Variants in CLEC7A observed in about 807,000 individuals in gnomAD.
The protein encoded by CLEC7A is C-type lectin domain containing 7A, also known as C-type lectin domain family 7 member A.
A neutral mutation model predicts 26.9 loss-of-function variants in CLEC7A; 25 were observed. That is an observed-to-expected ratio of 0.93 (90% confidence interval 0.68 to 1.30). The LOEUF (loss-of-function observed/expected upper bound fraction) is 1.30. CLEC7A is among the 50% of genes most tolerant of loss of function. The pLI, the probability that CLEC7A is intolerant of heterozygous loss-of-function variation, is 0.00. For synonymous variants in CLEC7A, 100 were observed against 99.5 expected (o/e 1.01, Z -0.03); for missense variants, 275 against 286.7 (o/e 0.96, Z 0.29).
chr12:10,126,015 G>T (rs907788668), intron 3 of CLEC7A: 1 of 212,124 alleles, frequency 4.7e-6, no homozygotes, highest in Non-Finnish European at 8.1e-6. Flanking sequence ...AGAAGTAAAA[G>T]TCAAGTGTGT....
intron 4 of CLEC7A, among the ~76,000 whole-genome samples, chr12:10,124,015 A>G (rs1591952248): frequency 6.6e-6 from 1 of 150,430 alleles, no homozygotes; most frequent in South Asian, 2.1e-4. Flanking sequence ...TTCTCCTCCA[A>G]TTGAAGAAAT....
Position 10,116,936 on chromosome 12 carries a change from T to C in CLEC7A, c.*1522A>G, listed in dbSNP as rs1415889821. On this transcript the variant is annotated 3_prime_UTR_variant, in exon 6 of 6. Transcript: ENST00000304084. ...CTCCCTAGTAATACAGAAATATCCA[T>C]TGGAAATAAAAATAGCACCAGTGGG... The C allele has an allele frequency of 4.6e-5, 7 of 151,818 alleles. No individual in the cohort carries two copies. Among genetic ancestry groups the C allele is most frequent in the African/African-American group, 9.7e-5 (4 of 41,330 alleles). The allele number at this position is 151,818 out of a possible 1,614,324, so 9.4% of individuals were successfully genotyped here.
rs976446328 is a variant in CLEC7A at position 10,117,956 on chromosome 12, C to T, written c.*502G>A. Reference sequence around the variant, plus strand: ...GTGGCTCACATCTGTAATCCCAGCACTTTGGGAGGCCAAGGCGGGCAGATC... The same window carrying T: ...GTGGCTCACATCTGTAATCCCAGCATTTTGGGAGGCCAAGGCGGGCAGATC... On this transcript the variant is annotated 3_prime_UTR_variant, in exon 6 of 6. Coordinates refer to ENST00000304084, the MANE Select transcript of CLEC7A (RefSeq NM_197947.3). 6.5e-6 allele frequency: 1 copy of T among 153,578 alleles called. No homozygotes were observed. The highest frequency in any genetic ancestry group is 2.4e-5 in the African/African-American group (1 of 41,400). 9.5% of individuals were successfully genotyped at this position (153,578 alleles called of 1,614,324 possible).
intron 4 of CLEC7A, chr12:10,125,002 G>C: frequency 3.0e-6 from 1 of 336,548 alleles, no homozygotes; most frequent in Non-Finnish European, 5.7e-6. Flanking sequence ...TTTGAGACCA[G>C]CCCAGATGAT....
intron 5 of CLEC7A, among the ~76,000 whole-genome samples, chr12:10,122,836 G>T (rs73262341): frequency 0.013 from 2,048 of 152,156 alleles, 48 homozygotes; most frequent in African/African-American, 0.047. Context: ...GACTCAGAGA[G>T]GAAAAGTGAC....
At chr12:10,119,466 A>G (rs1318220178) in intron 5 of CLEC7A, among the ~76,000 whole-genome samples, 1 of 152,246 alleles carries the variant, frequency 6.6e-6, no homozygotes, top group African/African-American at 2.4e-5. Flanking sequence ...TGCCACCCGG[A>G]AAACAAAAAA....
At chr12:10,125,199 AGAC>A in intron 4 of CLEC7A, 95 bp downstream of exon 4, 33 of 1,090,378 alleles carry the variant, frequency 3.0e-5, no homozygotes, top group African/African-American at 5.1e-5. Context: ...AAAAAAAAAA[AGAC>A]TTCATTTTAG....
chr12:10,130,017 A>G lies in CLEC7A; in HGVS notation c.66T>C (p.Ser22=). The G allele has an allele frequency of 1.2e-6, 2 of 1,611,202 alleles. No individual in the cohort carries two copies. The highest frequency in any genetic ancestry group is 1.7e-6 in the Non-Finnish European group (2 of 1,177,348). Reference sequence around the variant, plus strand: ...CAACAGCTATCCTGGTATTGCTTTGAGAGTCGAAGTGTAATTGAGTATATC... The same window carrying G: ...CAACAGCTATCCTGGTATTGCTTTGGGAGTCGAAGTGTAATTGAGTATATC... ...EDGYTQLHFD[S]QSNTRIAVVS... is the part of the protein sequence containing the mutation. Residue 22 remains serine, a synonymous_variant, in exon 1 of 6, where the codon TCT becomes TCC. Coordinates refer to ENST00000304084, the MANE Select transcript of CLEC7A (RefSeq NM_197947.3).
At chr12:10,129,300 T>C (rs998495279) in intron 1 of CLEC7A, among the ~76,000 whole-genome samples, 2 of 152,226 alleles carry the variant, frequency 1.3e-5, no homozygotes, top group Non-Finnish European at 1.5e-5. Context: ...CTCCATTCGA[T>C]AATCTAGCCT....
At chr12:10,125,588 G>T in intron 3 of CLEC7A, 140 bp from the exon 4 acceptor site, 1 of 620,826 alleles carries the variant, frequency 1.6e-6, no homozygotes. Flanking sequence ...TCGAACTACA[G>T]GGATATGATT....
chr12:10,121,644 A>G (rs1734232383), intron 5 of CLEC7A, among the ~76,000 whole-genome samples: 1 of 152,224 alleles, frequency 6.6e-6, no homozygotes, highest in African/African-American at 2.4e-5. Flanking sequence ...GGAAATCAGA[A>G]AGTATTTTGA....
chr12:10,127,536 G>T, intron 2 of CLEC7A: 1 of 1,259,162 alleles, frequency 7.9e-7, no homozygotes, highest in Non-Finnish European at 1.2e-6. Context: ...CCACTAACTA[G>T]CTTATAACCC....
intron 4 of CLEC7A, 48 bp downstream of exon 4, chr12:10,125,245 TCTTC>T: frequency 7.0e-7 from 1 of 1,437,598 alleles, no homozygotes; most frequent in Non-Finnish European, 9.6e-7. Context: ...TCTCCCTCTA[TCTTC>T]CTTCAGGATA....
rs140995553 is a variant in CLEC7A at position 10,126,727 on chromosome 12, A to G, written c.203-19T>C. On this transcript the variant is annotated intron_variant, in intron 2 of 5. Transcript: ENST00000304084. The stretch of plus-strand genomic sequence containing the variant: ...CAAATAGCTTCACATACCAACAATA[A>G]TAATAGTGACAGAAAAAATGTCATT... The G allele has an allele frequency of 1.1e-3, 1,780 of 1,582,884 alleles. 15 individuals carry two copies. In the African/African-American group the frequency reaches 0.022, roughly 20 times the overall value.
At chr12:10,123,788 A>G (rs1591951733) in intron 4 of CLEC7A, among the ~76,000 whole-genome samples, 3 of 151,538 alleles carry the variant, frequency 2.0e-5, no homozygotes, top group South Asian at 4.2e-4. Flanking sequence ...AAAAGAATGC[A>G]TGCCTAACCT....
At position 10,118,339 on chromosome 12, in the gene CLEC7A, G is replaced by C. The variant is rs11053597; in HGVS notation, c.*119C>G. The C allele has an allele frequency of 1.1e-5, 10 of 931,612 alleles. No homozygotes were observed. The highest frequency in any genetic ancestry group is 1.5e-5 in the Non-Finnish European group (9 of 613,950). The allele number at this position is 931,612 out of a possible 1,614,324, so 57.7% of individuals were successfully genotyped here. A position where few individuals can be genotyped will look rare whatever the true frequency, so the allele number is the denominator to read the frequency against. ...CAATTTCTTGGTTAAGATTACAGTT[G>C]GCCAAGCTCTCTAAACATTTTCTGC... On this transcript the variant is annotated 3_prime_UTR_variant, in exon 6 of 6. Transcript: ENST00000304084.
At position 10,125,312 on chromosome 12, in the gene CLEC7A, G is replaced by A; in HGVS notation, c.477C>T (p.Asp159=). The change falls in exon 4 of 6, where the codon GAC becomes GAT. Residue 159 remains aspartate, a synonymous_variant. Coordinates refer to ENST00000304084, the MANE Select transcript of CLEC7A (RefSeq NM_197947.3). ...WQLGSNLLKI[D]SSNELGFIVK... Reference sequence around the variant, plus strand: ...CTACACTTACCAATTCATTTGAGCTGTCTATCTTTAGGAGATTAGAGCCCA... The same window carrying A: ...CTACACTTACCAATTCATTTGAGCTATCTATCTTTAGGAGATTAGAGCCCA... 1 of 1,613,418 alleles carries A rather than the reference G, an allele frequency of 6.2e-7. No individual in the cohort carries two copies. The highest frequency in any genetic ancestry group is 8.5e-7 in the Non-Finnish European group (1 of 1,179,790).
intron 5 of CLEC7A, among the ~76,000 whole-genome samples, chr12:10,119,195 G>T (rs946412894): frequency 1.3e-5 from 2 of 152,212 alleles, no homozygotes; most frequent in African/African-American, 4.8e-5. Flanking sequence ...TTAAGTAGCA[G>T]TGTTAATGAG....
rs191421705 is a variant in CLEC7A at position 10,126,562 on chromosome 12, T to C, written c.340+9A>G. On this transcript the variant is annotated intron_variant, in intron 3 of 5. Transcript: ENST00000304084. ...GAGTCAAGATTCCGTCCTTTAACTA[T>C]GCCCTTGCCTGTGGTTTTGACAGCT... 287 of 1,601,196 alleles carry C rather than the reference T, an allele frequency of 1.8e-4. No individual in the cohort carries two copies. The highest frequency in any genetic ancestry group is 1.5e-4 in the Non-Finnish European group (177 of 1,174,518).
Sources: gnomAD v4.1 joint callset for allele counts (sites outside exome capture counted in the v4.1 genomes callset) on GRCh38, gnomAD v4.1.1 for gene constraint, MANE v1.5 for transcripts, NCBI Gene and HGNC (gene_info 2026-07-23, HGNC 2026-07-21) for gene names.